Variants in MALRD1 observed in about 807,000 individuals in gnomAD.
MALRD1 encodes MAM and LDL-receptor class A domain-containing protein 1.
A neutral mutation model predicts 242.1 loss-of-function variants in MALRD1; 247 were observed. That is an observed-to-expected ratio of 1.02 (90% CI 0.92 to 1.13). MALRD1 has a LOEUF of 1.13. MALRD1 is among the 50% of genes most tolerant of loss of function. The pLI is 0.00. For synonymous variants in MALRD1, 995 were observed against 866.6 expected (o/e 1.15, Z -2.60); for missense variants, 2,989 against 2,533.1 (o/e 1.18, Z -3.86).
intron 35 of MALRD1, among the ~76,000 whole-genome samples, chr10:19,608,256 A>G (rs1470869282): frequency 1.3e-5 from 2 of 152,026 alleles, no homozygotes; most frequent in Middle Eastern, 3.2e-3. Context: ...CTATTATTTT[A>G]TTTTTAAATT....
intron 29 of MALRD1, among the ~76,000 whole-genome samples, chr10:19,454,713 TACACACAC>T (rs35489123): frequency 0.06 from 7,928 of 132,302 alleles, 679 homozygotes; most frequent in African/African-American, 0.2. Flanking sequence ...CGTGCACACG[TACACACAC>T]ACACACACAC....
At chr10:19,596,061 G>A (rs2358419) in intron 34 of MALRD1, among the ~76,000 whole-genome samples, 138,328 of 152,198 alleles carry the variant, frequency 0.91, 62,905 homozygotes, top group Admixed American at 0.92. Flanking sequence ...TCATCCAGGT[G>A]TTGAATTCAA....
intron 17 of MALRD1, among the ~76,000 whole-genome samples, chr10:19,205,731 G>C (rs72786554): frequency 0.13 from 19,779 of 151,932 alleles, 1,376 homozygotes; most frequent in Middle Eastern, 0.2. Context: ...AAAATAGCCA[G>C]TGTGGCTGGA....
At chr10:19,156,987 G>A (rs950546626) in intron 12 of MALRD1, among the ~76,000 whole-genome samples, 1 of 152,132 alleles carries the variant, frequency 6.6e-6, no homozygotes, top group Non-Finnish European at 1.5e-5. Context: ...GTTTGCCTTG[G>A]TTTTTGAAAA....
At chr10:19,601,550 T>G (rs1359843889) in intron 34 of MALRD1, among the ~76,000 whole-genome samples, 1 of 152,070 alleles carries the variant, frequency 6.6e-6, no homozygotes. Flanking sequence ...ACAAATTTCA[T>G]AAAGCCAAAG....
At chr10:19,122,096 A>G (rs1186690672) in intron 5 of MALRD1, among the ~76,000 whole-genome samples, 2 of 152,206 alleles carry the variant, frequency 1.3e-5, no homozygotes. Flanking sequence ...AGTTTTTGCC[A>G]TGAGAGTATG....
At chr10:19,299,863 G>A (rs1841868516) in intron 21 of MALRD1, among the ~76,000 whole-genome samples, 11 of 151,830 alleles carry the variant, frequency 7.2e-5, no homozygotes, top group Admixed American at 7.2e-4. Flanking sequence ...TGGAGCCTTA[G>A]CCAGGGCAAT....
intron 2 of MALRD1, among the ~76,000 whole-genome samples, chr10:19,077,112 G>T (rs765427392): frequency 2.6e-5 from 4 of 151,868 alleles, no homozygotes; most frequent in Non-Finnish European, 5.9e-5. Flanking sequence ...CCAGTGTATA[G>T]AAATGAAACT....
chr10:19,048,029 AATT>A (rs1365909376), upstream of MALRD1, among the ~76,000 whole-genome samples: 11 of 152,216 alleles, frequency 7.2e-5, no homozygotes, highest in African/African-American at 2.4e-4. Flanking sequence ...AAGATTATGT[AATT>A]ATTATGTCTG....
chr10:19,170,301 C>A (rs76227370), intron 13 of MALRD1, among the ~76,000 whole-genome samples: 1 of 152,084 alleles, frequency 6.6e-6, no homozygotes, highest in South Asian at 2.1e-4. Context: ...TATTTCTTTT[C>A]CCCCTAACTA....
intron 33 of MALRD1, among the ~76,000 whole-genome samples, chr10:19,587,457 C>G (rs1421492341): frequency 6.6e-6 from 1 of 152,172 alleles, no homozygotes; most frequent in Admixed American, 6.5e-5. Context: ...AGACAATTTT[C>G]CTTTTCTCTA....
At chr10:19,116,765 G>T (rs1218136514) in intron 5 of MALRD1, among the ~76,000 whole-genome samples, 5 of 152,084 alleles carry the variant, frequency 3.3e-5, no homozygotes, top group Non-Finnish European at 7.4e-5. Context: ...AAATAATATT[G>T]TACTGCCAGA....
At chr10:19,336,872 A>G (rs979333283) in intron 24 of MALRD1, among the ~76,000 whole-genome samples, 13 of 152,124 alleles carry the variant, frequency 8.5e-5, no homozygotes, top group Admixed American at 1.3e-4. Context: ...TGCCAAGAAT[A>G]AAGAAAAATA....
At chr10:19,684,400 TA>T (rs1842491129) in intron 36 of MALRD1, among the ~76,000 whole-genome samples, 1 of 152,218 alleles carries the variant, frequency 6.6e-6, no homozygotes, top group African/African-American at 2.4e-5. Context: ...CTAAAGCATG[TA>T]ATATAAATGG....
intron 18 of MALRD1, among the ~76,000 whole-genome samples, chr10:19,234,487 C>G (rs967989420): frequency 6.6e-6 from 1 of 152,064 alleles, no homozygotes; most frequent in Non-Finnish European, 1.5e-5. Context: ...GTTTATTTCT[C>G]TCTTTTCAGT....
At position 19,205,113 on chromosome 10, in the gene MALRD1, TC is replaced by T. The variant is rs1433721902; in HGVS notation, c.2428del (p.Arg810AspfsTer29). ...GATGGGGTCTCAGCTATTGATGACA[TC>T]CGATTTGAAAATTGTACTCTCCCTC... ...IYDGVSAIDD[I>X]RFENCTLPLP... is the part of the protein sequence containing the mutation. On this transcript the variant is annotated frameshift_variant, in exon 17 of 40. Transcript: ENST00000454679. LOFTEE classifies it high-confidence loss of function. 1 of 1,550,692 alleles carries T rather than the reference TC, an allele frequency of 6.4e-7. No individual in the cohort carries two copies. The highest frequency in any genetic ancestry group is 1.2e-5 in the South Asian group (1 of 84,056).
chr10:19,562,216 A>G (rs1017385228), intron 32 of MALRD1, among the ~76,000 whole-genome samples: 2 of 151,968 alleles, frequency 1.3e-5, no homozygotes, highest in Non-Finnish European at 2.9e-5. Flanking sequence ...AATTGCTTGA[A>G]CCCAGAAGGC....
At chr10:19,279,017 A>G (rs1218211969) in intron 19 of MALRD1, among the ~76,000 whole-genome samples, 5 of 152,138 alleles carry the variant, frequency 3.3e-5, no homozygotes, top group Non-Finnish European at 7.4e-5. Flanking sequence ...TGGACACTGC[A>G]CTCACCAGAC....
intron 14 of MALRD1, among the ~76,000 whole-genome samples, chr10:19,183,473 G>A (rs1483786397): frequency 6.6e-6 from 1 of 151,920 alleles, no homozygotes; most frequent in Non-Finnish European, 1.5e-5. Context: ...TTCTATTTAT[G>A]AACTTAAATC....
Sources: allele counts gnomAD v4.1 joint callset (sites outside exome capture counted in the v4.1 genomes callset), GRCh38; gene constraint gnomAD v4.1.1; transcripts MANE v1.5; gene names NCBI Gene and HGNC (gene_info 2026-07-23, HGNC 2026-07-21).